Variants in SYNE1 observed in about 807,000 individuals in gnomAD.
The protein encoded by SYNE1 is nesprin-1.
Under a neutral mutation model 1,111.0 loss-of-function variants are expected in SYNE1, and 616 were observed. That is an observed-to-expected ratio of 0.55 (90% CI 0.52 to 0.59). The LOEUF is 0.59. Among genes scored for constraint, SYNE1 ranks in the 20% least tolerant of loss-of-function variants. The pLI is 0.00. For synonymous variants in SYNE1, 3,855 were observed against 3,825.8 expected, an observed-to-expected ratio of 1.01 and a Z score of -0.28; for missense variants, 10,006 against 10,417.0, an observed-to-expected ratio of 0.96 and a Z score of 1.72.
intron 45 of SYNE1, among the ~76,000 whole-genome samples, chr6:152,405,747 G>A (rs1352590583): frequency 1.3e-5 from 2 of 152,044 alleles, no homozygotes; most frequent in Non-Finnish European, 2.9e-5. Context: ...AGGACACTGC[G>A]GTATCCATCA....
In SYNE1 at chr6:152,353,290, C is replaced by G. The variant is rs1347276549; in HGVS notation, c.11226G>C (p.Met3742Ile). The change falls in exon 69 of 146, where the codon ATG (methionine) becomes ATC (isoleucine). Residue 3742 changes from methionine to isoleucine, a missense_variant. This residue lies in a region of SYNE1 where 4,955 missense variants were observed against 5,017.2 expected (regional missense o/e 0.99). Transcript: ENST00000367255. Reference sequence around the variant, plus strand: ...CCAACGTCTTCAATTTCTTCCCCATCATTACTGTATCTACTTTGTCAATCT... The same window carrying G: ...CCAACGTCTTCAATTTCTTCCCCATGATTACTGTATCTACTTTGTCAATCT... ...ATKIDKVDTV[M>I]MGKKLKTLEV... The G allele has an allele frequency of 6.2e-7, 1 of 1,614,174 alleles. No individual in the cohort carries two copies. Among genetic ancestry groups the G allele is most frequent in the Non-Finnish European group, 8.5e-7 (1 of 1,180,042 alleles).
intron 55 of SYNE1, among the ~76,000 whole-genome samples, chr6:152,382,958 G>A (rs1213529723): frequency 6.6e-6 from 1 of 152,156 alleles, no homozygotes; most frequent in East Asian, 1.9e-4. Flanking sequence ...ACACACATAT[G>A]TACATTCCCG....
At position 152,301,937 on chromosome 6, in the gene SYNE1, C is replaced by A. The variant is rs1430758971; in HGVS notation, c.17473G>T (p.Ala5825Ser). The A allele has an allele frequency of 1.6e-5, 26 of 1,614,196 alleles. No homozygotes were observed. Among genetic ancestry groups the A allele is most frequent in the Non-Finnish European group, 2.2e-5 (26 of 1,180,046 alleles). Residue 5825 changes from alanine to serine, a missense_variant, in exon 92 of 146, where the codon GCG becomes TCG. Ala to Ser is a moderately conservative substitution (Grantham distance 99). Around this residue, in one of 7 missense-constraint regions of SYNE1, gnomAD observed 4,955 missense variants for 5,017.2 expected, o/e 0.99. Transcript: ENST00000367255. ...CCATCCAGGTCCTCTGTCCCTTCCG[C>A]CAGCCCCTCGACCTCGGTCACCGTC... ...LLTVTEVEGLAEGTEDLDGEL... is the reference protein window; with the variant it reads ...LLTVTEVEGLSEGTEDLDGEL...
intron 3 of SYNE1, among the ~76,000 whole-genome samples, chr6:152,583,323 C>T (rs2099526637): frequency 6.6e-6 from 1 of 152,084 alleles, no homozygotes; most frequent in African/African-American, 2.4e-5. Flanking sequence ...TTCTCACACC[C>T]TCAACCCATA....
At chr6:152,134,004 A>G (rs2056472544) in intron 142 of SYNE1, 1 of 165,528 alleles carries the variant, frequency 6.0e-6, no homozygotes, top group Admixed American at 5.7e-5. Flanking sequence ...CTATTATGGT[A>G]CTGAATTAAA....
intron 63 of SYNE1, 125 bp downstream of exon 63, chr6:152,364,722 A>AAGGAAGGAAGGAAGGAAGGAAGGG: frequency 9.4e-7 from 1 of 1,068,606 alleles, no homozygotes; most frequent in Non-Finnish European, 1.4e-6. Context: ...GGAAGGAAGG[A>AAGGAAGGAAGGAAGGAAGGAAGGG]AGGAAGGGAG....
chr6:152,422,890 T>G (rs949600386), intron 39 of SYNE1, among the ~76,000 whole-genome samples: 1 of 152,192 alleles, frequency 6.6e-6, no homozygotes, highest in African/African-American at 2.4e-5. Context: ...GTTTTTTAAG[T>G]TTCAAAATGG....
At chr6:152,606,936 G>C (rs897238663) in intron 3 of SYNE1, among the ~76,000 whole-genome samples, 6 of 148,430 alleles carry the variant, frequency 4.0e-5, no homozygotes, top group Admixed American at 1.3e-4. Flanking sequence ...TTACAGGCGT[G>C]AGCCACCGCG....
At chr6:152,269,055 T>C in intron 99 of SYNE1, 100 bp downstream of exon 99, 5 of 1,563,304 alleles carry the variant, frequency 3.2e-6, no homozygotes, top group Non-Finnish European at 4.4e-6. Context: ...AGACACTCTG[T>C]CTTTAGTACA....
At chr6:152,615,437 T>TTA (rs397763938) in intron 3 of SYNE1, among the ~76,000 whole-genome samples, 2 of 151,640 alleles carry the variant, frequency 1.3e-5, no homozygotes, top group African/African-American at 2.4e-5. Context: ...TATTTTTTTT[T>TTA]AAAGCACAAA....
At chr6:152,294,244 A>C in intron 93 of SYNE1, 117 bp from the exon 94 acceptor site, 1 of 966,000 alleles carries the variant, frequency 1.0e-6, no homozygotes, top group South Asian at 1.4e-5. Flanking sequence ...TTCATGGGGC[A>C]CTACAAACTA....
At chr6:152,389,234 T>G (rs936961257) in intron 53 of SYNE1, among the ~76,000 whole-genome samples, 1 of 152,184 alleles carries the variant, frequency 6.6e-6, no homozygotes, top group African/African-American at 2.4e-5. Flanking sequence ...CAAAGGTACG[T>G]GTGCAGAGTT....
chr6:152,441,001 G>A, intron 32 of SYNE1, 129 bp downstream of exon 32: 1 of 1,106,250 alleles, frequency 9.0e-7, no homozygotes, highest in Non-Finnish European at 1.3e-6. Context: ...TGAAAGAATG[G>A]GTCATCAATA....
At chr6:152,551,521 C>T (rs920736413) in intron 3 of SYNE1, among the ~76,000 whole-genome samples, 1 of 152,212 alleles carries the variant, frequency 6.6e-6, no homozygotes, top group Non-Finnish European at 1.5e-5. Flanking sequence ...TGGGTTTGGT[C>T]CCTGAGAGTC....
chr6:152,585,726 A>G (rs779823044), intron 3 of SYNE1, among the ~76,000 whole-genome samples: 20 of 152,154 alleles, frequency 1.3e-4, no homozygotes, highest in Non-Finnish European at 2.8e-4. Context: ...CCATTACTAG[A>G]TTATAAAAGA....
Position 152,213,601 on chromosome 6 carries a change from A to T in SYNE1, c.22494+11T>A. 6.2e-7 allele frequency: 1 copy of T among 1,614,000 alleles called. No homozygotes were observed. The highest frequency in any genetic ancestry group is 8.5e-7 in the Non-Finnish European group (1 of 1,179,938). On this transcript the variant is annotated intron_variant, in intron 123 of 145. Transcript: ENST00000367255. ...TTTCTTATTACCCCCAAATCTACTG[A>T]TACAACTTACCTCGTGTGCTCTCTG... is the stretch of plus-strand genomic sequence containing the variant.
chr6:152,367,952 A>G (rs2097109110), intron 61 of SYNE1: 1 of 156,258 alleles, frequency 6.4e-6, no homozygotes, highest in Admixed American at 6.2e-5. Context: ...AAAGGAATGG[A>G]AAGATGTTCT....
chr6:152,636,593 T>G (rs919157743), intron 2 of SYNE1, 45 bp downstream of exon 2: 2 of 153,096 alleles, frequency 1.3e-5, no homozygotes, highest in African/African-American at 4.8e-5. Flanking sequence ...CTCCTCTCCC[T>G]GTCTCTGTCT....
chr6:152,367,775 AT>A (rs778323822), intron 61 of SYNE1: 29 of 236,674 alleles, frequency 1.2e-4, no homozygotes, highest in Non-Finnish European at 1.6e-4. Flanking sequence ...TAAAAAAAAA[AT>A]AATCTGAGAT....
Sources: allele counts gnomAD v4.1 joint callset (sites outside exome capture counted in the v4.1 genomes callset), GRCh38; gene constraint gnomAD v4.1.1; regional missense constraint gnomAD v4.1.1; transcripts MANE v1.5; gene names NCBI Gene and HGNC (gene_info 2026-07-23, HGNC 2026-07-21).